SYNE2: variants seen among roughly 807,000 people sequenced by gnomAD.
The protein encoded by SYNE2 is spectrin repeat containing nuclear envelope protein 2, also known as nesprin-2.
SYNE2 carries 431 observed loss-of-function variants against 856.3 expected under a neutral mutation model. The ratio of observed to expected loss-of-function variants is 0.50; its 90% CI spans 0.47 to 0.55. The LOEUF (loss-of-function observed/expected upper bound fraction) is 0.55. SYNE2 is among the 20% of genes least tolerant of loss of function. The pLI is 0.00. For missense variants in SYNE2, 8,129 were observed against 8,023.2 expected (o/e 1.01, Z -0.50); for synonymous variants, 2,923 against 2,872.3 (o/e 1.02, Z -0.56).
chr14:64,101,223 C>G (rs1683527010), intron 63 of SYNE2, among the ~76,000 whole-genome samples: 2 of 151,996 alleles, frequency 1.3e-5, no homozygotes, highest in Admixed American at 1.3e-4. Context: ...TGATACTGTA[C>G]CAATTTACAT....
chr14:63,857,909 CATT>C (rs1302905530), intron 1 of SYNE2, among the ~76,000 whole-genome samples: 1 of 152,040 alleles, frequency 6.6e-6, no homozygotes, highest in East Asian at 1.9e-4. Flanking sequence ...TATCTTAGTC[CATT>C]TTGTGCTGCC....
chr14:64,098,379 T>C, intron 62 of SYNE2: 1 of 612,492 alleles, frequency 1.6e-6, no homozygotes, highest in South Asian at 2.0e-5. Context: ...AGGACATGCT[T>C]ATAAAATTTC....
Position 64,224,862 on chromosome 14 carries a change from A to T in SYNE2, c.20470-137A>T, listed in dbSNP as rs575779638. ...TCAGGTGACGTTTAATCTCAATTGT[A>T]TTACTCTAGTCTCCAAAGTTTGGCT... On this transcript the variant is annotated intron_variant, in intron 114 of 115. Transcript: ENST00000555002. 4 of 810,846 alleles carry T rather than the reference A, an allele frequency of 4.9e-6. No homozygotes were observed. In the East Asian group the frequency reaches 1.1e-4, roughly 21 times the overall value. 50.2% of individuals were successfully genotyped at this position (810,846 alleles called of 1,614,324 possible).
intron 32 of SYNE2, among the ~76,000 whole-genome samples, chr14:64,015,215 A>T (rs2096883461): frequency 6.6e-6 from 1 of 151,404 alleles, no homozygotes; most frequent in Non-Finnish European, 1.5e-5. Flanking sequence ...CATAAAATTA[A>T]TTGGGAGTGT....
At chr14:64,148,995 C>G (rs75180937) in intron 84 of SYNE2, among the ~76,000 whole-genome samples, 1 of 144,476 alleles carries the variant, frequency 6.9e-6, no homozygotes, top group African/African-American at 2.6e-5. Flanking sequence ...TTTTTTTTTC[C>G]ACTATTCTTT....
At chr14:64,016,763 A>G (rs1445767331) in intron 33 of SYNE2, 132 bp downstream of exon 33, 3 of 675,348 alleles carry the variant, frequency 4.4e-6, no homozygotes, top group Non-Finnish European at 2.5e-6. Flanking sequence ...AAACTTAGGA[A>G]TTAATTTTAA....
intron 1 of SYNE2, among the ~76,000 whole-genome samples, chr14:63,803,581 C>G (rs887614081): frequency 3.9e-5 from 6 of 152,242 alleles, no homozygotes; most frequent in Non-Finnish European, 8.8e-5. Context: ...CAAGCCCATG[C>G]CCGCCCGGAA....
Position 64,070,838 on chromosome 14 carries a change from C to A in SYNE2, c.10625C>A (p.Pro3542His), listed in dbSNP as rs2097400112. The A allele has an allele frequency of 6.2e-7, 1 of 1,614,204 alleles. No homozygotes were observed. The highest frequency in any genetic ancestry group is 8.5e-7 in the Non-Finnish European group (1 of 1,180,030). Reference sequence around the variant, plus strand: ...CGCATCAGAAGTATCCAGAATGTTCCTGAAAGCTCAGGGGCTGTGGAAACT... The same window carrying A: ...CGCATCAGAAGTATCCAGAATGTTCATGAAAGCTCAGGGGCTGTGGAAACT... ...LQRIRSIQNV[P>H]ESSGAVETVP... The change falls in exon 52 of 116, where the codon CCT becomes CAT. Residue 3542 changes from proline (P) to histidine (H), a missense_variant. Coordinates refer to ENST00000555002, the MANE Select transcript of SYNE2 (RefSeq NM_182914.3).
intron 1 of SYNE2, among the ~76,000 whole-genome samples, chr14:63,846,589 T>TTTG (rs1555344398): frequency 0.11 from 16,173 of 151,666 alleles, 948 homozygotes; most frequent in African/African-American, 0.16. Context: ...TTTTTCTGTT[T>TTTG]TTTGTTTGTT....
chr14:64,080,062 T>TGC (rs1210636379), intron 55 of SYNE2, among the ~76,000 whole-genome samples: 5 of 151,872 alleles, frequency 3.3e-5, no homozygotes, highest in African/African-American at 1.2e-4. Flanking sequence ...TGTGTGTGTG[T>TGC]GTGCGCGTGC....
intron 85 of SYNE2, among the ~76,000 whole-genome samples, chr14:64,154,700 C>T (rs539110304): frequency 1.3e-5 from 2 of 148,222 alleles, no homozygotes; most frequent in African/African-American, 2.5e-5. Context: ...GGCTGAGGCA[C>T]GAGGATCACC....
In SYNE2 at chr14:64,224,476, CT is replaced by C; in HGVS notation, c.20399del (p.Leu6800ArgfsTer7). 6.2e-7 allele frequency: 1 copy of C among 1,613,324 alleles called. No individual in the cohort carries two copies. The highest frequency in any genetic ancestry group is 1.1e-5 in the South Asian group (1 of 91,060). ...LQGTQNPASP[L>X]PSFDEVDSGD... is the part of the protein sequence containing the mutation. The stretch of plus-strand genomic sequence containing the variant: ...TGAATTTCAGAACCCAGCCTCACCC[CT>C]GCCCAGCTTCGACGAGGTAGACTCG... On this transcript the variant is annotated frameshift_variant, in exon 114 of 116. Coordinates refer to ENST00000555002, the MANE Select transcript of SYNE2 (RefSeq NM_182914.3). LOFTEE classifies it high-confidence loss of function.
intron 66 of SYNE2, among the ~76,000 whole-genome samples, chr14:64,115,224 A>G (rs2097845075): frequency 6.6e-6 from 1 of 152,162 alleles, no homozygotes; most frequent in South Asian, 2.1e-4. Flanking sequence ...TGCTCAAGGA[A>G]AAGACATGAC....
chr14:64,031,134 A>T lies in SYNE2; in HGVS notation c.6998A>T (p.Lys2333Ile). The T allele has an allele frequency of 1.2e-6, 2 of 1,614,166 alleles. No homozygotes were observed. Among genetic ancestry groups the T allele is most frequent in the Non-Finnish European group, 1.7e-6 (2 of 1,179,998 alleles). The part of the protein sequence containing the change: ...VGQKIIKDDI[K>I]SLQCKQKDLE... Reference sequence around the variant, plus strand: ...CAGAAGATTATTAAAGATGATATAAAATCACTTCAGTGTAAACAAAAAGAT... The same window carrying T: ...CAGAAGATTATTAAAGATGATATAATATCACTTCAGTGTAAACAAAAAGAT... Residue 2333 changes from lysine (K) to isoleucine (I), a missense_variant, in exon 45 of 116, where the codon AAA becomes ATA. Coordinates refer to ENST00000555002, the MANE Select transcript of SYNE2 (RefSeq NM_182914.3).
intron 1 of SYNE2, among the ~76,000 whole-genome samples, chr14:63,826,305 CT>C (rs893023449): frequency 2.6e-5 from 4 of 151,890 alleles, no homozygotes; most frequent in Non-Finnish European, 5.9e-5. Context: ...AAACAATAGT[CT>C]TTTCTTTTTT....
chr14:63,871,900 T>C (rs561187328), intron 1 of SYNE2, among the ~76,000 whole-genome samples: 5 of 152,342 alleles, frequency 3.3e-5, no homozygotes, highest in Non-Finnish European at 5.9e-5. Context: ...TGCTTTAGCA[T>C]CCTAGTTCAG....
At chr14:63,833,889 CTG>C (rs1889756351) in intron 1 of SYNE2, among the ~76,000 whole-genome samples, 1 of 151,796 alleles carries the variant, frequency 6.6e-6, no homozygotes. Flanking sequence ...TTTAATGTGT[CTG>C]TATTTCATCA....
intron 6 of SYNE2, among the ~76,000 whole-genome samples, chr14:63,946,440 A>C (rs2096028653): frequency 6.6e-6 from 1 of 151,396 alleles, no homozygotes; most frequent in African/African-American, 2.4e-5. Flanking sequence ...AAAAACATAC[A>C]CATACACATA....
intron 79 of SYNE2, 158 bp downstream of exon 79, chr14:64,138,141 T>C: frequency 1.4e-6 from 1 of 715,658 alleles, no homozygotes; most frequent in Non-Finnish European, 2.4e-6. Flanking sequence ...AAACGCGATG[T>C]AGAATCTCTG....
Sources: allele counts gnomAD v4.1 joint callset (sites outside exome capture counted in the v4.1 genomes callset), GRCh38; gene constraint gnomAD v4.1.1; transcripts MANE v1.5; gene names NCBI Gene and HGNC (gene_info 2026-07-23, HGNC 2026-07-21).